The following GPC6 variants were observed in gnomAD, a reference collection of about 807,000 sequenced individuals.
The protein encoded by GPC6 is glypican 6.
Under a neutral mutation model 55.2 loss-of-function variants are expected in GPC6, and 14 were observed. The ratio of observed to expected loss-of-function variants is 0.25; its 90% CI spans 0.17 to 0.40. GPC6 has a LOEUF of 0.40. GPC6 is among the 10% of genes least tolerant of loss of function. GPC6 has a pLI of 1.00. For synonymous variants in GPC6, 278 were observed against 259.6 expected (o/e 1.07, Z -0.68); for missense variants, 641 against 708.5 (o/e 0.90, Z 1.08).
chr13:93,630,100 A>T (rs576912108), intron 2 of GPC6, among the ~76,000 whole-genome samples: 4 of 152,238 alleles, frequency 2.6e-5, no homozygotes, highest in African/African-American at 4.8e-5. Flanking sequence ...TATCATTACT[A>T]TATGTCCAGA....
At position 94,379,092 on chromosome 13, in the gene GPC6, G is replaced by A. The variant is rs181473206; in HGVS notation, c.1153-3322G>A. On this transcript the variant is annotated intron_variant, in intron 6 of 8. Transcript: ENST00000377047. Reference sequence around the variant, plus strand: ...ACAAAAAAACAAAAACCTCAGGTCCGGAGCTACAGCAGAGCAGTTACATAT... The same window carrying A: ...ACAAAAAAACAAAAACCTCAGGTCCAGAGCTACAGCAGAGCAGTTACATAT... 2.7e-4 allele frequency among the ~76,000 whole-genome samples: 41 copies of A among 152,114 alleles called. No homozygotes were observed. The East Asian group carries it at 7.3e-3, about 27-fold the overall frequency.
intron 1 of GPC6, among the ~76,000 whole-genome samples, chr13:93,363,216 G>T (rs1212227530): frequency 1.3e-5 from 2 of 148,448 alleles, no homozygotes; most frequent in African/African-American, 5.0e-5. Flanking sequence ...CATGTGCCAT[G>T]CTGGTGTGCT....
intron 1 of GPC6, among the ~76,000 whole-genome samples, chr13:93,496,219 T>A (rs1880270226): frequency 6.6e-6 from 1 of 152,168 alleles, no homozygotes; most frequent in African/African-American, 2.4e-5. Flanking sequence ...TGGGATATAG[T>A]CTCGTGGTGC....
In GPC6 at chr13:93,830,612, TAAAAAAAAA is replaced by T. The variant is rs369020255; in HGVS notation, c.711+85_711+93del. 10 of 326,442 alleles carry T rather than the reference TAAAAAAAAA, an allele frequency of 3.1e-5. No individual in the cohort carries two copies. The East Asian group carries it at 4.5e-4, about 15-fold the overall frequency. The allele number at this position is 326,442 out of a possible 1,614,324, so 20.2% of individuals were successfully genotyped here. On this transcript the variant is annotated intron_variant, in intron 3 of 8. Coordinates refer to ENST00000377047, the MANE Select transcript of GPC6 (RefSeq NM_005708.5). ...TTATTCTGTTTTTAAAACCAATGTT[TAAAAAAAAA>T]AAAAAAAAAAAAAAAAACCAAGGTA...
intron 2 of GPC6, among the ~76,000 whole-genome samples, chr13:93,567,460 C>T (rs1876186013): frequency 1.3e-5 from 2 of 151,650 alleles, no homozygotes; most frequent in South Asian, 2.1e-4. Flanking sequence ...ATCTTGTTAG[C>T]CTATTGTTCT....
intron 1 of GPC6, among the ~76,000 whole-genome samples, chr13:93,265,516 A>T (rs1007278520): frequency 1.1e-4 from 17 of 152,196 alleles, no homozygotes; most frequent in African/African-American, 3.9e-4. Flanking sequence ...GCCTGTGTGT[A>T]TGAGGTGTAT....
At chr13:93,437,688 C>A (rs1374090732) in intron 1 of GPC6, among the ~76,000 whole-genome samples, 1 of 152,180 alleles carries the variant, frequency 6.6e-6, no homozygotes, top group African/African-American at 2.4e-5. Context: ...AGGAAGCCAT[C>A]TCCATGACAT....
In GPC6 at chr13:93,274,053, G is replaced by A. The variant is rs148827339; in HGVS notation, c.160+46437G>A. On this transcript the variant is annotated intron_variant, in intron 1 of 8. Transcript: ENST00000377047. ...GAACTCCTGACCTCGTGATCCACCC[G>A]CCATGGCTGGGATTACAGGCGTGAG... 3.2e-3 allele frequency among the ~76,000 whole-genome samples: 481 copies of A among 151,978 alleles called. 2 individuals carry two copies. The Middle Eastern group carries it at 0.037, about 12-fold the overall frequency.
chr13:93,998,869 A>G (rs1881672762), intron 3 of GPC6, among the ~76,000 whole-genome samples: 1 of 152,084 alleles, frequency 6.6e-6, no homozygotes, highest in Non-Finnish European at 1.5e-5. Flanking sequence ...AAATCTACTC[A>G]GTGATTTTCA....
intron 4 of GPC6, among the ~76,000 whole-genome samples, chr13:94,184,352 A>G (rs1889099336): frequency 6.6e-6 from 1 of 152,128 alleles, no homozygotes; most frequent in Non-Finnish European, 1.5e-5. Context: ...TAAATAGACA[A>G]CCTACAGAAT....
chr13:93,700,153 C>A (rs892753968), intron 2 of GPC6, among the ~76,000 whole-genome samples: 1 of 152,072 alleles, frequency 6.6e-6, no homozygotes, highest in Non-Finnish European at 1.5e-5. Context: ...AGCTGTCCAG[C>A]AAGACATGCC....
chr13:93,653,637 T>TA (rs548335516), intron 2 of GPC6, among the ~76,000 whole-genome samples: 3,876 of 53,012 alleles, frequency 0.073, 88 homozygotes, highest in Non-Finnish European at 0.16. Context: ...ATTTTAAACT[T>TA]AAAAAAAATA....
At chr13:93,515,199 C>T (rs753688073) in intron 1 of GPC6, among the ~76,000 whole-genome samples, 1 of 152,036 alleles carries the variant, frequency 6.6e-6, no homozygotes, top group Non-Finnish European at 1.5e-5. Context: ...TTAAATCAGG[C>T]GAAGGGTCCT....
At chr13:93,497,122 T>C (rs1255900911) in intron 1 of GPC6, among the ~76,000 whole-genome samples, 1 of 152,204 alleles carries the variant, frequency 6.6e-6, no homozygotes, top group Admixed American at 6.5e-5. Context: ...TGCATCACTT[T>C]AGGAGTAAAA....
chr13:94,393,317 CTGAG>C (rs1460922640), intron 7 of GPC6, among the ~76,000 whole-genome samples: 8 of 152,090 alleles, frequency 5.3e-5, no homozygotes, highest in South Asian at 2.1e-4. Context: ...AAAATTCACA[CTGAG>C]TGAGATAAAT....
chr13:93,905,636 A>T (rs1876624142), intron 3 of GPC6, among the ~76,000 whole-genome samples: 1 of 152,204 alleles, frequency 6.6e-6, no homozygotes, highest in Admixed American at 6.5e-5. Flanking sequence ...ATCAATAAAT[A>T]TGTTTTGGAA....
At chr13:94,206,041 A>G (rs1223775598) in intron 4 of GPC6, among the ~76,000 whole-genome samples, 1 of 152,158 alleles carries the variant, frequency 6.6e-6, no homozygotes, top group Non-Finnish European at 1.5e-5. Flanking sequence ...AAGATTCATC[A>G]GGCCCCAAAT....
At chr13:93,954,072 C>T (rs989846410) in intron 3 of GPC6, among the ~76,000 whole-genome samples, 1 of 152,128 alleles carries the variant, frequency 6.6e-6, no homozygotes, top group Non-Finnish European at 1.5e-5. Context: ...CCTCCCTCAC[C>T]CCTACCTCCT....
chr13:93,855,242 G>C (rs1888558411), intron 3 of GPC6, among the ~76,000 whole-genome samples: 1 of 151,486 alleles, frequency 6.6e-6, no homozygotes, highest in Non-Finnish European at 1.5e-5. Flanking sequence ...TATAGTTTTT[G>C]CTTTTCCAGA....
Sources: gnomAD v4.1 joint callset for allele counts (sites outside exome capture counted in the v4.1 genomes callset) on GRCh38, gnomAD v4.1.1 for gene constraint, MANE v1.5 for transcripts, NCBI Gene and HGNC (gene_info 2026-07-23, HGNC 2026-07-21) for gene names.